Variants in HAP1 observed in about 807,000 individuals in gnomAD.
The protein encoded by HAP1 is huntingtin-associated protein 1.
Under a neutral mutation model 60.3 loss-of-function variants are expected in HAP1, and 59 were observed. The ratio of observed to expected loss-of-function variants is 0.98; its 90% CI spans 0.79 to 1.22. HAP1 has a LOEUF of 1.22. Among genes scored for constraint, HAP1 ranks in the 50% most tolerant of loss-of-function variants. HAP1 has a pLI of 0.00. For missense variants in HAP1, 825 were observed against 785.3 expected (o/e 1.05, Z -0.60); for synonymous variants, 346 against 330.6 (o/e 1.05, Z -0.50).
intron 6 of HAP1, 113 bp downstream of exon 6, chr17:41,731,380 C>T (rs1912174465): frequency 5.1e-6 from 4 of 788,900 alleles, no homozygotes; most frequent in Middle Eastern, 3.4e-4. Flanking sequence ...CAAGTTCACA[C>T]AGCTAGGAGT....
At chr17:41,733,040 T>TTGG (rs1356997384) in intron 1 of HAP1, among the ~76,000 whole-genome samples, 2 of 89,390 alleles carry the variant, frequency 2.2e-5, no homozygotes, top group Admixed American at 2.8e-4. Context: ...TTTTTTTGGT[T>TTGG]TTTTTTTTTT....
chr17:41,727,520 C>T (rs1472738668), intron 8 of HAP1: 6 of 747,628 alleles, frequency 8.0e-6, no homozygotes, highest in Non-Finnish European at 1.2e-5. Flanking sequence ...AGGCCAGAGG[C>T]CCAGGTTCTG....
Position 41,734,060 on chromosome 17 carries a change from A to G in HAP1, c.469+106T>C, listed in dbSNP as rs561924537. ...ACATCGCGGGGGTGGTGGACGGGTG[A>G]CACTGAGTGCTAGAGGGGGCGGGGT... On this transcript the variant is annotated intron_variant, in intron 1 of 10. Transcript: ENST00000347901. The G allele has an allele frequency of 1.5e-5, 13 of 847,256 alleles. No homozygotes were observed. The African/African-American group carries it at 1.7e-4, about 11-fold the overall frequency. The allele number at this position is 847,256 out of a possible 1,614,324, so 52.5% of individuals were successfully genotyped here.
chr17:41,718,218 G>A (rs1911060231), downstream of HAP1: 1 of 267,834 alleles, frequency 3.7e-6, no homozygotes, highest in Non-Finnish European at 8.1e-6. Flanking sequence ...AGCACGGTGG[G>A]GCCTGGTTAG....
rs969680701 is a variant in HAP1 at position 41,727,157 on chromosome 17, G to C, written c.1276-13C>G. ...CAGGAAGAGTCTCCTATGGTGGAGA[G>C]AACAGACGTTACCAGAGGACCCCCA... On this transcript the variant is annotated splice_polypyrimidine_tract_variant and intron_variant, in intron 8 of 10. Transcript: ENST00000347901. 1.4e-5 allele frequency: 20 copies of C among 1,448,042 alleles called. No homozygotes were observed. The highest frequency in any genetic ancestry group is 1.8e-5 in the Non-Finnish European group (19 of 1,029,128). 89.7% of individuals were successfully genotyped at this position (1,448,042 alleles called of 1,614,324 possible).
chr17:41,725,730 T>A, intron 10 of HAP1, 129 bp downstream of exon 10: 1 of 763,688 alleles, frequency 1.3e-6, no homozygotes, highest in Middle Eastern at 3.3e-4. Context: ...CCCAGAACAG[T>A]TCTCAGTTCA....
At position 41,731,567 on chromosome 17, in the gene HAP1, G is replaced by C; in HGVS notation, c.1003-8C>G. 1 of 1,610,480 alleles carries C rather than the reference G, an allele frequency of 6.2e-7. No individual in the cohort carries two copies. Among genetic ancestry groups the C allele is most frequent in the Non-Finnish European group, 8.5e-7 (1 of 1,176,642 alleles). On this transcript the variant is annotated splice_polypyrimidine_tract_variant and splice_region_variant and intron_variant, in intron 5 of 10. Transcript: ENST00000347901. ...AGTGTCGAGTTGAGAGGCCTGGAGG[G>C]AGACAAAGAGGAAGGGACAGGGAAG...
chr17:41,732,038 A>G lies in HAP1; in HGVS notation c.795T>C (p.Asp265=), dbSNP rs782393038. 1.9e-6 allele frequency: 3 copies of G among 1,583,930 alleles called. No individual in the cohort carries two copies. The East Asian group carries it at 6.7e-5, about 35-fold the overall frequency. The part of the protein sequence containing the change: ...LYSDSDEEDE[D]EEEEEEEKEA... ...CCTTTTCTTCCTCCTCCTCTTCTTC[A>G]TCCTCATCCTCCTCATCAGAATCTG... The change falls in exon 4 of 11, where the codon GAT becomes GAC. Residue 265 remains aspartate, a synonymous_variant. Coordinates refer to ENST00000347901, the MANE Select transcript of HAP1 (RefSeq NM_177977.3).
chr17:41,725,235 T>C (rs11869104), intron 10 of HAP1, 81 bp from the exon 11 acceptor site: 1,014,199 of 1,157,310 alleles, frequency 0.88, 444,759 homozygotes, highest in Middle Eastern at 0.93. Context: ...TCCACACAGA[T>C]CCTGATGGTT....
At position 41,727,770 on chromosome 17, in the gene HAP1, G is replaced by A. The variant is rs201232744; in HGVS notation, c.1267C>T (p.Gln423Ter). Residue 423 changes from glutamine to a stop codon, truncating the protein, a stop_gained, in exon 8 of 11, where the codon CAG becomes TAG. Coordinates refer to ENST00000347901, the MANE Select transcript of HAP1 (RefSeq NM_177977.3). LOFTEE classifies it high-confidence loss of function. ...CCGGCAGCGAGACTCACCTCTTCCT[G>A]GAGCTGCATCTGGATTTCCTTCTCC... ...ASEKEIQMQL[Q>*]EEETLPGFQE... The A allele has an allele frequency of 8.1e-6, 13 of 1,608,818 alleles. No individual in the cohort carries two copies. The Admixed American group carries it at 1.3e-4, about 17-fold the overall frequency.
Position 41,725,191 on chromosome 17 carries a change from A to G in HAP1, c.1407-37T>C, listed in dbSNP as rs371152667. ...ATAGCGACATCTTTTGAGGGGCTGG[A>G]AAGTCCAACCCCCCAGGCCCACCCC... On this transcript the variant is annotated intron_variant, in intron 10 of 10. Coordinates refer to ENST00000347901, the MANE Select transcript of HAP1 (RefSeq NM_177977.3). 1,774 of 1,516,276 alleles carry G rather than the reference A, an allele frequency of 1.2e-3. 2 individuals carry two copies. Among genetic ancestry groups the G allele is most frequent in the Non-Finnish European group, 1.5e-3 (1,680 of 1,123,906 alleles). 93.9% of individuals were successfully genotyped at this position (1,516,276 alleles called of 1,614,324 possible).
At chr17:41,732,507 G>GA in intron 2 of HAP1, 113 bp from the exon 3 acceptor site, 1 of 1,189,690 alleles carries the variant, frequency 8.4e-7, no homozygotes, top group Non-Finnish European at 1.2e-6. Context: ...TGTGGAACCT[G>GA]GCTCAGTTTC....
intron 10 of HAP1, 51 bp from the exon 11 acceptor site, chr17:41,725,205 C>G: frequency 1.4e-6 from 2 of 1,440,124 alleles, no homozygotes; most frequent in Non-Finnish European, 1.9e-6. Flanking sequence ...TCCAACCCCC[C>G]AGGCCCACCC....
Position 41,731,674 on chromosome 17 carries a change from C to T in HAP1, c.966G>A (p.Arg322=), listed in dbSNP as rs782673244. Reference sequence around the variant, plus strand: ...GCTGATGATTCTCCTCCTCCAGCAGCCTCAGCTTCTCCTGCAAGGCTTCCA... The same window carrying T: ...GCTGATGATTCTCCTCCTCCAGCAGTCTCAGCTTCTCCTGCAAGGCTTCCA... ...PQLEALQEKL[R]LLEEENHQLR... Residue 322 remains arginine (R), a synonymous_variant, in exon 5 of 11, where the codon AGG becomes AGA. Coordinates refer to ENST00000347901, the MANE Select transcript of HAP1 (RefSeq NM_177977.3). 6.2e-7 allele frequency: 1 copy of T among 1,614,146 alleles called. No individual in the cohort carries two copies. Among genetic ancestry groups the T allele is most frequent in the Non-Finnish European group, 8.5e-7 (1 of 1,180,002 alleles).
chr17:41,721,084 C>T (rs1336920674), downstream of HAP1: 2 of 152,220 alleles, frequency 1.3e-5, no homozygotes, highest in African/African-American at 2.4e-5. Context: ...CAGGTGTGAG[C>T]CACCTCACCC....
rs1299751972 is a variant in HAP1 at position 41,722,988 on chromosome 17, T to C, written c.*1713A>G. ...GACACTTGTGGTTACAAACAGTAGGTAGGGACTGAGAAGAAAGGATGAAGA... is the reference window on the plus strand; with the variant it reads ...GACACTTGTGGTTACAAACAGTAGGCAGGGACTGAGAAGAAAGGATGAAGA... On this transcript the variant is annotated 3_prime_UTR_variant, in exon 11 of 11. Coordinates refer to ENST00000347901, the MANE Select transcript of HAP1 (RefSeq NM_177977.3). 2 of 152,156 alleles carry C rather than the reference T, an allele frequency of 1.3e-5. No individual in the cohort carries two copies. Among genetic ancestry groups the C allele is most frequent in the African/African-American group, 2.4e-5 (1 of 41,330 alleles). The allele number at this position is 152,156 out of a possible 1,614,324, so 9.4% of individuals were successfully genotyped here.
chr17:41,732,406 A>G lies in HAP1; in HGVS notation c.550-12T>C. The G allele has an allele frequency of 1.2e-6, 2 of 1,613,482 alleles. No homozygotes were observed. The highest frequency in any genetic ancestry group is 1.7e-6 in the Non-Finnish European group (2 of 1,179,762). On this transcript the variant is annotated splice_polypyrimidine_tract_variant and intron_variant, in intron 2 of 10. Transcript: ENST00000347901. ...ACAGGTGGGAGAAGCTGGGGGGGACACAGGGGTCAGAGAGAGGCTAGGCCC... is the reference window on the plus strand; with the variant it reads ...ACAGGTGGGAGAAGCTGGGGGGGACGCAGGGGTCAGAGAGAGGCTAGGCCC...
At chr17:41,733,970 C>T (rs1236936214) in intron 1 of HAP1, among the ~76,000 whole-genome samples, 196 bp downstream of exon 1, 2 of 152,164 alleles carry the variant, frequency 1.3e-5, no homozygotes, top group Admixed American at 6.5e-5. Context: ...GACTCACGGG[C>T]ACAAACCAGG....
Position 41,731,569 on chromosome 17 carries a change from G to A in HAP1, c.1003-10C>T, listed in dbSNP as rs1296896364. 3.2e-5 allele frequency: 51 copies of A among 1,610,116 alleles called. No homozygotes were observed. Among genetic ancestry groups the A allele is most frequent in the Non-Finnish European group, 3.9e-5 (46 of 1,176,428 alleles). ...TGTCGAGTTGAGAGGCCTGGAGGGA[G>A]ACAAAGAGGAAGGGACAGGGAAGTC... On this transcript the variant is annotated splice_polypyrimidine_tract_variant and intron_variant, in intron 5 of 10. Coordinates refer to ENST00000347901, the MANE Select transcript of HAP1 (RefSeq NM_177977.3).
Sources: gnomAD v4.1 joint callset for allele counts (sites outside exome capture counted in the v4.1 genomes callset) on GRCh38, gnomAD v4.1.1 for gene constraint, MANE v1.5 for transcripts, NCBI Gene and HGNC (gene_info 2026-07-23, HGNC 2026-07-21) for gene names.